Variants in ROBO2 observed in about 807,000 individuals in gnomAD.
The protein encoded by ROBO2 is roundabout guidance receptor 2, also known as roundabout homolog 2.
Under a neutral mutation model 160.8 loss-of-function variants are expected in ROBO2, and 53 were observed. The observed-to-expected ratio is 0.33, with a 90% CI of 0.26 to 0.41. The LOEUF is 0.41. Among genes scored for constraint, ROBO2 ranks in the 10% least tolerant of loss-of-function variants. The pLI is 1.00. For missense variants in ROBO2, 1,577 were observed against 1,722.4 expected (o/e 0.92, Z 1.49); for synonymous variants, 664 against 611.7 (o/e 1.09, Z -1.26).
intron 2 of ROBO2, among the ~76,000 whole-genome samples, chr3:76,388,396 C>T (rs369531954): frequency 1.3e-5 from 2 of 151,826 alleles, no homozygotes; most frequent in African/African-American, 2.4e-5. Context: ...CTCAGCCTCC[C>T]GAGTAGCTGG....
intron 2 of ROBO2, among the ~76,000 whole-genome samples, chr3:77,409,649 C>A (rs1310842042): frequency 6.6e-6 from 1 of 152,034 alleles, no homozygotes; most frequent in African/African-American, 2.4e-5. Context: ...TTCACCAGAT[C>A]CATGACCAGT....
chr3:76,922,869 G>C (rs1364044808), intron 2 of ROBO2, among the ~76,000 whole-genome samples: 1 of 152,176 alleles, frequency 6.6e-6, no homozygotes, highest in African/African-American at 2.4e-5. Context: ...ACTGTGTATA[G>C]GGCTGTTATT....
chr3:76,593,554 A>G (rs891307042), intron 2 of ROBO2, among the ~76,000 whole-genome samples: 1 of 152,118 alleles, frequency 6.6e-6, no homozygotes, highest in African/African-American at 2.4e-5. Context: ...GCAAGAGCTA[A>G]TGATCAACAC....
At chr3:76,377,743 T>C (rs2076417303) in intron 2 of ROBO2, among the ~76,000 whole-genome samples, 1 of 152,142 alleles carries the variant, frequency 6.6e-6, no homozygotes, top group Admixed American at 6.6e-5. Context: ...AAACTGCTTG[T>C]GGGTTTTTTT....
intron 2 of ROBO2, among the ~76,000 whole-genome samples, chr3:75,965,696 G>C (rs1346479969): frequency 8.0e-6 from 1 of 124,504 alleles, no homozygotes; most frequent in Non-Finnish European, 1.8e-5. Context: ...AGATGCTTTA[G>C]ACAACATGAA....
chr3:77,507,154 A>G (rs2088661781), intron 5 of ROBO2, among the ~76,000 whole-genome samples: 1 of 152,202 alleles, frequency 6.6e-6, no homozygotes, highest in Non-Finnish European at 1.5e-5. Flanking sequence ...TATGTGAAAC[A>G]TTTAATGATC....
chr3:76,667,316 C>T (rs2092088678), intron 2 of ROBO2, among the ~76,000 whole-genome samples: 1 of 152,166 alleles, frequency 6.6e-6, no homozygotes, highest in South Asian at 2.1e-4. Context: ...ATTCCATACA[C>T]CCAATATCAA....
At chr3:77,538,802 C>A (rs1347061734) in intron 6 of ROBO2, 1 of 442,060 alleles carries the variant, frequency 2.3e-6, no homozygotes, top group Non-Finnish European at 4.5e-6. Context: ...ATTGAGTAAA[C>A]ATTTATCTCT....
intron 2 of ROBO2, among the ~76,000 whole-genome samples, chr3:76,012,617 G>A (rs1163383240): frequency 6.6e-6 from 1 of 151,986 alleles, no homozygotes; most frequent in African/African-American, 2.4e-5. Flanking sequence ...TTTGTGACTG[G>A]AAGCTTTTTT....
At chr3:76,695,910 G>T (rs2107333440) in intron 2 of ROBO2, among the ~76,000 whole-genome samples, 1 of 152,256 alleles carries the variant, frequency 6.6e-6, no homozygotes, top group Admixed American at 6.5e-5. Flanking sequence ...GTGCACATTT[G>T]ATTTGATGAT....
chr3:76,105,532 A>C (rs2069885684), intron 2 of ROBO2, among the ~76,000 whole-genome samples: 2 of 152,144 alleles, frequency 1.3e-5, no homozygotes, highest in South Asian at 4.1e-4. Flanking sequence ...GATACAGCTT[A>C]ATAAAAACAT....
At chr3:77,334,731 GA>G (rs2066311622) in intron 2 of ROBO2, among the ~76,000 whole-genome samples, 1 of 120,468 alleles carries the variant, frequency 8.3e-6, no homozygotes, top group Non-Finnish European at 2.1e-5. Flanking sequence ...TCTTTTTCAG[GA>G]ACTGTATATA....
At chr3:76,922,126 A>G (rs2076702503) in intron 2 of ROBO2, among the ~76,000 whole-genome samples, 1 of 152,174 alleles carries the variant, frequency 6.6e-6, no homozygotes, top group Non-Finnish European at 1.5e-5. Flanking sequence ...CCTGGCTAAC[A>G]TGGTGAAACC....
intron 2 of ROBO2, among the ~76,000 whole-genome samples, chr3:77,139,975 A>G (rs1028237340): frequency 3.9e-5 from 6 of 152,196 alleles, no homozygotes; most frequent in African/African-American, 9.6e-5. Flanking sequence ...GCTGAAAGTC[A>G]AAACCCTACT....
At chr3:77,031,457 T>G (rs1237601683) in intron 2 of ROBO2, among the ~76,000 whole-genome samples, 1 of 147,206 alleles carries the variant, frequency 6.8e-6, no homozygotes, top group Non-Finnish European at 1.5e-5. Context: ...ATATATAGTA[T>G]ATAAATGATA....
At chr3:76,211,584 T>C (rs1257222421) in intron 2 of ROBO2, among the ~76,000 whole-genome samples, 2 of 152,110 alleles carry the variant, frequency 1.3e-5, no homozygotes, top group Admixed American at 6.6e-5. Context: ...GCAATGCTTT[T>C]TAGCATCATA....
At chr3:76,934,700 G>C (rs1001455992) in intron 2 of ROBO2, among the ~76,000 whole-genome samples, 1 of 151,924 alleles carries the variant, frequency 6.6e-6, no homozygotes, top group East Asian at 1.9e-4. Flanking sequence ...GAGATATACC[G>C]CCACTGCACT....
chr3:76,442,969 A>C (rs1221188514), intron 2 of ROBO2, among the ~76,000 whole-genome samples: 1 of 152,090 alleles, frequency 6.6e-6, no homozygotes, highest in Non-Finnish European at 1.5e-5. Flanking sequence ...AAGCTGGGTA[A>C]TTTATAAAGA....
intron 2 of ROBO2, among the ~76,000 whole-genome samples, chr3:76,162,456 T>C (rs2072678058): frequency 6.6e-6 from 1 of 152,050 alleles, no homozygotes; most frequent in Admixed American, 6.6e-5. Flanking sequence ...ACAGATGTAC[T>C]CCACCATGCC....
Sources: allele counts gnomAD v4.1 joint callset (sites outside exome capture counted in the v4.1 genomes callset), GRCh38; gene constraint gnomAD v4.1.1; transcripts MANE v1.5; gene names NCBI Gene and HGNC (gene_info 2026-07-23, HGNC 2026-07-21).